TSC2: variants seen among roughly 807,000 people sequenced by gnomAD.
TSC2 encodes the protein TSC complex subunit 2.
In TSC2, 29 loss-of-function variants were observed where a neutral mutation model predicts 202.2. The ratio of observed to expected loss-of-function variants is 0.14; its 90% CI spans 0.11 to 0.20. The LOEUF is 0.20. Among genes scored for constraint, TSC2 ranks in the 10% least tolerant of loss-of-function variants. The pLI is 1.00. For missense variants in TSC2, 2,429 were observed against 2,420.0 expected, an observed-to-expected ratio of 1.00 and a Z score of -0.08; for synonymous variants, 1,349 against 1,044.0, an observed-to-expected ratio of 1.29 and a Z score of -5.63.
Position 2,088,960 on chromosome 16 carries a change from G to A in TSC2, c.*350G>A, listed in dbSNP as rs1056230385. ...AGGAGTCTTTTCCTCTAACCACCCT[G>A]GGGTCCTCTGACATGCCTAGTCCTG... On this transcript the variant is annotated 3_prime_UTR_variant, in exon 42 of 42. Transcript: ENST00000219476. 10 of 333,194 alleles carry A rather than the reference G, an allele frequency of 3.0e-5. No individual in the cohort carries two copies. The highest frequency in any genetic ancestry group is 5.7e-5 in the Non-Finnish European group (10 of 175,550). The allele number at this position is 333,194 out of a possible 1,614,324, so 20.6% of individuals were successfully genotyped here.
intron 37 of TSC2, 29 bp downstream of exon 37, chr16:2,086,408 T>C (rs2151577941): frequency 6.2e-7 from 1 of 1,606,742 alleles, no homozygotes; most frequent in Non-Finnish European, 8.5e-7. Context: ...CCGCTCCTGC[T>C]GCCCCAGGCC....
chr16:2,088,739 T>A lies in TSC2; in HGVS notation c.*129T>A. On this transcript the variant is annotated 3_prime_UTR_variant, in exon 42 of 42. Coordinates refer to ENST00000219476, the MANE Select transcript of TSC2 (RefSeq NM_000548.5). ...TCAGACAGCTCTTTTATTGACTTTGTCTGCTTGGTGCGGGGGTTGGGGGGG... is the reference window on the plus strand; with the variant it reads ...TCAGACAGCTCTTTTATTGACTTTGACTGCTTGGTGCGGGGGTTGGGGGGG... The A allele has an allele frequency of 1.5e-6, 2 of 1,314,108 alleles. No individual in the cohort carries two copies. The highest frequency in any genetic ancestry group is 2.1e-6 in the Non-Finnish European group (2 of 962,936). The allele number at this position is 1,314,108 out of a possible 1,614,324, so 81.4% of individuals were successfully genotyped here.
chr16:2,053,499 T>C (rs1250138145), intron 4 of TSC2, 47 bp downstream of exon 4: 5 of 1,515,596 alleles, frequency 3.3e-6, no homozygotes, highest in Non-Finnish European at 4.5e-6. Flanking sequence ...GGCTGCCCAC[T>C]GACTGTCCTG....
chr16:2,088,371 G>A (rs1567132914), intron 41 of TSC2, 46 bp downstream of exon 41: 2 of 1,612,214 alleles, frequency 1.2e-6, no homozygotes, highest in Admixed American at 3.3e-5. Context: ...GGCTGCCCAA[G>A]CTGTGGGGCG....
Position 2,055,416 on chromosome 16 carries a change from C to G in TSC2, c.496C>G (p.Gln166Glu). The G allele has an allele frequency of 6.2e-7, 1 of 1,614,182 alleles. No individual in the cohort carries two copies. Among genetic ancestry groups the G allele is most frequent in the Non-Finnish European group, 8.5e-7 (1 of 1,180,020 alleles). ...LEEELADFVL[Q>E]WMDVGLSSEF... ...TTCTCCCCCAGCTGACTTTGTCCTG[C>G]AGTGGATGGATGTTGGCTTGTCCTC... The change falls in exon 6 of 42, where the codon CAG (glutamine) becomes GAG (glutamate). Residue 166 changes from glutamine (Q) to glutamate (E), a missense_variant. Coordinates refer to ENST00000219476, the MANE Select transcript of TSC2 (RefSeq NM_000548.5).
chr16:2,087,488 G>A (rs1049837830), intron 38 of TSC2, among the ~76,000 whole-genome samples: 1 of 84,780 alleles, frequency 1.2e-5, no homozygotes, highest in Admixed American at 1.0e-4. Flanking sequence ...AACCAGTTGG[G>A]GGGGGGGGGG....
chr16:2,054,256 C>G, intron 4 of TSC2, 40 bp from the exon 5 acceptor site: 1 of 1,613,796 alleles, frequency 6.2e-7, no homozygotes, highest in African/African-American at 1.3e-5. Context: ...GTGTGGGCGA[C>G]GCTGGCAGGC....
Position 2,087,846 on chromosome 16 carries a change from TTC to T in TSC2, c.4990-13_4990-12del. ...ACACGCTGTGTGCGGGGATGACCCT[TTC>T]TCTTGTCCGGGCAGGGCCAGTTCAA... On this transcript the variant is annotated splice_polypyrimidine_tract_variant and intron_variant, in intron 38 of 41. Transcript: ENST00000219476. 1 of 1,612,244 alleles carries T rather than the reference TTC, an allele frequency of 6.2e-7. No individual in the cohort carries two copies. Among genetic ancestry groups the T allele is most frequent in the Non-Finnish European group, 8.5e-7 (1 of 1,179,800 alleles).
At chr16:2,078,900 C>T (rs563412942) in intron 26 of TSC2, 132 bp from the exon 27 acceptor site, 82 of 1,217,878 alleles carry the variant, frequency 6.7e-5, no homozygotes, top group Non-Finnish European at 8.5e-5. Context: ...CTCGCTGGGC[C>T]GCCCACGCCC....
At chr16:2,053,229 G>A in intron 3 of TSC2, 113 bp from the exon 4 acceptor site, 2 of 1,071,592 alleles carry the variant, frequency 1.9e-6, no homozygotes, top group East Asian at 5.2e-5. Flanking sequence ...GGGGCTCTCA[G>A]TCACAAGCCC....
chr16:2,085,846 C>T (rs1253567194), intron 36 of TSC2, among the ~76,000 whole-genome samples: 2 of 152,114 alleles, frequency 1.3e-5, no homozygotes, highest in African/African-American at 4.8e-5. Flanking sequence ...TCCGCCCAGT[C>T]TCAGTGAGTC....
In TSC2 at chr16:2,077,581, C is replaced by G; in HGVS notation, c.2838-17C>G. 6.2e-7 allele frequency: 1 copy of G among 1,612,658 alleles called. No individual in the cohort carries two copies. The highest frequency in any genetic ancestry group is 8.5e-7 in the Non-Finnish European group (1 of 1,179,970). The stretch of plus-strand genomic sequence containing the variant: ...CTGGGCTCTCTGGGGCGTTGGGGCT[C>G]CTTCCTCACCCGATAGTCTGAGGAT... On this transcript the variant is annotated splice_polypyrimidine_tract_variant and intron_variant, in intron 25 of 41. Coordinates refer to ENST00000219476, the MANE Select transcript of TSC2 (RefSeq NM_000548.5).
Position 2,088,803 on chromosome 16 carries a change from TAC to T in TSC2, c.*197_*198del. On this transcript the variant is annotated 3_prime_UTR_variant, in exon 42 of 42. Transcript: ENST00000219476. Reference sequence around the variant, plus strand: ...GAAGCGGCCATGCCCACAGAAGTGGTACACAGAAGCAGGCACAGCCAGCTCCG... The same window carrying T: ...GAAGCGGCCATGCCCACAGAAGTGGTACAGAAGCAGGCACAGCCAGCTCCG... The T allele has an allele frequency of 1.3e-6, 1 of 754,198 alleles. No homozygotes were observed. 46.7% of individuals were successfully genotyped at this position (754,198 alleles called of 1,614,324 possible). A position where few individuals can be genotyped will look rare whatever the true frequency, so the allele number is the denominator to read the frequency against.
intron 3 of TSC2, among the ~76,000 whole-genome samples, chr16:2,052,330 G>C (rs2085237835): frequency 1.3e-5 from 2 of 151,906 alleles, no homozygotes; most frequent in Non-Finnish European, 2.9e-5. Context: ...TTTGGTTAGA[G>C]ACAAGGTCTC....
intron 3 of TSC2, among the ~76,000 whole-genome samples, chr16:2,053,134 T>C (rs1478378851): frequency 1.3e-5 from 2 of 152,166 alleles, no homozygotes; most frequent in Admixed American, 1.3e-4. Flanking sequence ...CTGCTGGGGT[T>C]TGAGGAAGCT....
At chr16:2,078,584 C>CGGTGGTCGCCGTATCATTAAAA in intron 26 of TSC2, 3 of 281,910 alleles carry the variant, frequency 1.1e-5, no homozygotes, top group Admixed American at 4.9e-5. Context: ...GTGTGGAGCT[C>CGGTGGTCGCCGTATCATTAAAA]AGGCAGCCGC....
At chr16:2,060,865 C>T (rs758555082) in intron 11 of TSC2, 52 bp downstream of exon 11, 7 of 1,603,444 alleles carry the variant, frequency 4.4e-6, no homozygotes, top group Non-Finnish European at 2.5e-6. Flanking sequence ...GACAGGCAGG[C>T]TCGGCCCACT....
chr16:2,072,424 G>A, intron 20 of TSC2, 61 bp downstream of exon 20: 1 of 1,606,906 alleles, frequency 6.2e-7, no homozygotes, highest in Non-Finnish European at 8.5e-7. Context: ...CCAAAAGACT[G>A]CGAGCCTCTG....
At chr16:2,059,020 G>A in intron 10 of TSC2, 147 bp downstream of exon 10, 1 of 1,264,858 alleles carries the variant, frequency 7.9e-7, no homozygotes, top group East Asian at 2.6e-5. Flanking sequence ...CTGGGGGTGA[G>A]GTTTGGGGCC....
Sources: gnomAD v4.1 joint callset for allele counts (sites outside exome capture counted in the v4.1 genomes callset) on GRCh38, gnomAD v4.1.1 for gene constraint, MANE v1.5 for transcripts, NCBI Gene and HGNC (gene_info 2026-07-23, HGNC 2026-07-21) for gene names.